Variants in ZNF551 observed in about 807,000 individuals in gnomAD.
The protein encoded by ZNF551 is zinc finger protein 551, also known as KOX 23 protein (56 AA).
Under a neutral mutation model 7.9 loss-of-function variants are expected in ZNF551, and 5 were observed. The observed-to-expected ratio is 0.63, with a 90% CI of 0.33 to 1.33. The LOEUF is 1.33. Among genes scored for constraint, ZNF551 ranks in the 40% most tolerant of loss-of-function variants. The pLI, the probability that ZNF551 is intolerant of heterozygous loss-of-function variation, is 0.05. For missense variants in ZNF551, 788 were observed against 825.2 expected (o/e 0.95, Z 0.55); for synonymous variants, 287 against 277.3 (o/e 1.03, Z -0.35).
At chr19:57,686,112 A>T (rs992425138) in intron 2 of ZNF551, among the ~76,000 whole-genome samples, 2 of 152,178 alleles carry the variant, frequency 1.3e-5, no homozygotes, top group Non-Finnish European at 2.9e-5. Context: ...CACAGCCTCA[A>T]ATAGTCCTCC....
chr19:57,686,952 G>T lies in ZNF551; in HGVS notation c.677G>T (p.Gly226Val). ...FFNAKSYYKW[G>V]EYRKASSHKH... is the part of the protein sequence containing the mutation. ...AATGCAAAAAGTTATTACAAGTGGG[G>T]TGAATACAGAAAAGCTTCAAGCCAC... Residue 226 changes from glycine to valine, a missense_variant, in exon 3 of 3, where the codon GGT becomes GTT. Coordinates refer to ENST00000282296, the MANE Select transcript of ZNF551 (RefSeq NM_138347.5). 1 of 1,614,204 alleles carries T rather than the reference G, an allele frequency of 6.2e-7. No homozygotes were observed. Among genetic ancestry groups the T allele is most frequent in the East Asian group, 2.2e-5 (1 of 44,894 alleles).
Position 57,682,162 on chromosome 19 carries a change from G to A in ZNF551, c.-2G>A. The A allele has an allele frequency of 6.5e-7, 1 of 1,548,226 alleles. No individual in the cohort carries two copies. The highest frequency in any genetic ancestry group is 8.7e-7 in the Non-Finnish European group (1 of 1,146,760). ...GCCCGGGATAGGGACTGTTGTGTTC[G>A]AATGCCCGCCCCGGTCGGCCGCCGC... On this transcript the variant is annotated 5_prime_UTR_variant, in exon 1 of 3. Coordinates refer to ENST00000282296, the MANE Select transcript of ZNF551 (RefSeq NM_138347.5).
At chr19:57,683,270 A>G (rs1984448393) in intron 1 of ZNF551, among the ~76,000 whole-genome samples, 1 of 152,224 alleles carries the variant, frequency 6.6e-6, no homozygotes, top group South Asian at 2.1e-4. Flanking sequence ...AGATGCGAGA[A>G]GCAGTTGGAT....
chr19:57,689,952 C>T lies in ZNF551; in HGVS notation c.*1664C>T, dbSNP rs1984711532. 1 of 152,070 alleles carries T rather than the reference C, an allele frequency of 6.6e-6. No homozygotes were observed. Among genetic ancestry groups the T allele is most frequent in the South Asian group, 2.1e-4 (1 of 4,822 alleles). 9.4% of individuals were successfully genotyped at this position (152,070 alleles called of 1,614,324 possible). On this transcript the variant is annotated 3_prime_UTR_variant, in exon 3 of 3. Transcript: ENST00000282296. ...CAGGGATGTGGCTTTTGTGACTCAGCCAACATTCCTATTAATTCAGGTGGC... is the reference window on the plus strand; with the variant it reads ...CAGGGATGTGGCTTTTGTGACTCAGTCAACATTCCTATTAATTCAGGTGGC...
At position 57,687,112 on chromosome 19, in the gene ZNF551, T is replaced by G; in HGVS notation, c.837T>G (p.Phe279Leu). The G allele has an allele frequency of 6.2e-7, 1 of 1,614,256 alleles. No homozygotes were observed. The highest frequency in any genetic ancestry group is 1.7e-5 in the Admixed American group (1 of 60,032). The change falls in exon 3 of 3, where the codon TTT becomes TTG. Residue 279 changes from phenylalanine to leucine, a missense_variant. Physicochemically the swap from Phe to Leu is conservative, Grantham distance 22 (BLOSUM62 0). Coordinates refer to ENST00000282296, the MANE Select transcript of ZNF551 (RefSeq NM_138347.5). ...AAATTCACACTGGACAAAAGATGTT[T>G]GAGTGTAGTGAATGTGAGGAATCCT... is the stretch of plus-strand genomic sequence containing the variant. ...HQQIHTGQKM[F>L]ECSECEESFS...
rs1208307777 is a variant in ZNF551, at chr19:57,690,096, A to G, written c.*1808A>G. On this transcript the variant is annotated 3_prime_UTR_variant, in exon 3 of 3. Transcript: ENST00000282296. ...CAGGTTGCCACCCTGATTAAAAAAA[A>G]AGGAACATCTAGGCTCTTAATTTTG... 6.6e-6 allele frequency: 1 copy of G among 152,166 alleles called. No individual in the cohort carries two copies. Among genetic ancestry groups the G allele is most frequent in the East Asian group, 1.9e-4 (1 of 5,180 alleles). 9.4% of individuals were successfully genotyped at this position (152,166 alleles called of 1,614,324 possible).
intron 1 of ZNF551, among the ~76,000 whole-genome samples, 169 bp from the exon 2 acceptor site, chr19:57,685,093 C>T (rs986230484): frequency 6.6e-5 from 10 of 152,228 alleles, no homozygotes; most frequent in Non-Finnish European, 1.2e-4. Flanking sequence ...TGTTGCTATT[C>T]GAGGACTCAG....
Position 57,686,785 on chromosome 19 carries a change from G to A in ZNF551, c.510G>A (p.Val170=). The A allele has an allele frequency of 6.2e-7, 1 of 1,614,192 alleles. No homozygotes were observed. Among genetic ancestry groups the A allele is most frequent in the Non-Finnish European group, 8.5e-7 (1 of 1,180,036 alleles). ...GGAAGGTGGATGAGGCTACATTTGT[G>A]ACCGGCTGCAGATTCCATGTGTTGA... ...WKRKVDEATF[V]TGCRFHVLNY... Residue 170 remains valine, a synonymous_variant, in exon 3 of 3, where the codon GTG becomes GTA. Coordinates refer to ENST00000282296, the MANE Select transcript of ZNF551 (RefSeq NM_138347.5).
chr19:57,682,369 G>T (rs1984414150), intron 1 of ZNF551, 125 bp downstream of exon 1: 1 of 1,029,810 alleles, frequency 9.7e-7, no homozygotes, highest in African/African-American at 1.6e-5. Flanking sequence ...GGCGCTTGTG[G>T]ATTGGACCCG....
rs1439514107 is a variant in ZNF551 at position 57,685,403 on chromosome 19, C to T, written c.205+18C>T. Reference sequence around the variant, plus strand: ...ATCCCTGGGTAAGGCCCTAGCATCCCTCCGAGTGTCTGCTTTTCTTTTTGA... The same window carrying T: ...ATCCCTGGGTAAGGCCCTAGCATCCTTCCGAGTGTCTGCTTTTCTTTTTGA... On this transcript the variant is annotated intron_variant, in intron 2 of 2. Coordinates refer to ENST00000282296, the MANE Select transcript of ZNF551 (RefSeq NM_138347.5). The T allele has an allele frequency of 1.2e-6, 2 of 1,613,950 alleles. No individual in the cohort carries two copies. Among genetic ancestry groups the T allele is most frequent in the Non-Finnish European group, 1.7e-6 (2 of 1,179,922 alleles).
In ZNF551 at chr19:57,686,813, T is replaced by C. The variant is rs768926384; in HGVS notation, c.538T>C (p.Tyr180His). 5.6e-6 allele frequency: 9 copies of C among 1,614,214 alleles called. No homozygotes were observed. The Admixed American group carries it at 6.7e-5, about 12-fold the overall frequency. ...VTGCRFHVLN[Y>H]FTCGEAFPAP... is the part of the protein sequence containing the mutation. ...CGGCTGCAGATTCCATGTGTTGAAT[T>C]ATTTCACCTGTGGGGAGGCCTTCCC... is the stretch of plus-strand genomic sequence containing the variant. Residue 180 changes from tyrosine to histidine, a missense_variant, in exon 3 of 3, where the codon TAT (tyrosine) becomes CAT (histidine). Tyr to His is a moderately conservative substitution (Grantham distance 83). Transcript: ENST00000282296.
intron 1 of ZNF551, among the ~76,000 whole-genome samples, chr19:57,684,071 G>A (rs944043301): frequency 6.6e-6 from 1 of 152,148 alleles, no homozygotes; most frequent in African/African-American, 2.4e-5. Flanking sequence ...AGCAATCACA[G>A]CCCAGAAGTG....
intron 2 of ZNF551, among the ~76,000 whole-genome samples, chr19:57,685,910 A>G (rs1363284218): frequency 6.6e-6 from 1 of 152,208 alleles, no homozygotes; most frequent in Admixed American, 6.5e-5. Flanking sequence ...TTTTGGTGCA[A>G]GTGCCACTGG....
Position 57,686,610 on chromosome 19 carries a change from T to A in ZNF551, c.335T>A (p.Val112Asp), listed in dbSNP as rs1193703589. ...HLSEIKMCVP[V>D]LKDILPAAEH... is the part of the protein sequence containing the mutation. The stretch of plus-strand genomic sequence containing the variant: ...AGTGAGATTAAGATGTGTGTCCCAG[T>A]CTTGAAAGACATTTTGCCTGCGGCT... Residue 112 changes from valine to aspartate, a missense_variant, in exon 3 of 3, where the codon GTC (valine) becomes GAC (aspartate). Transcript: ENST00000282296. The A allele has an allele frequency of 6.2e-7, 1 of 1,614,072 alleles. No homozygotes were observed. The highest frequency in any genetic ancestry group is 8.5e-7 in the Non-Finnish European group (1 of 1,179,996).
At chr19:57,683,895 A>G (rs1027131976) in intron 1 of ZNF551, among the ~76,000 whole-genome samples, 7 of 152,090 alleles carry the variant, frequency 4.6e-5, no homozygotes, top group African/African-American at 1.7e-4. Context: ...AGGGTTTTAT[A>G]TTAACTCTTG....
In ZNF551 at chr19:57,688,840, T is replaced by C. The variant is rs1165303243; in HGVS notation, c.*552T>C. On this transcript the variant is annotated 3_prime_UTR_variant, in exon 3 of 3. Transcript: ENST00000282296. ...TGCACATTGCTTTAATTTATAATGT[T>C]TTTATAAAGGTTTTAAAAAAATTTA... 6.5e-6 allele frequency: 1 copy of C among 154,296 alleles called. No individual in the cohort carries two copies. Among genetic ancestry groups the C allele is most frequent in the African/African-American group, 2.4e-5 (1 of 41,452 alleles). The allele number at this position is 154,296 out of a possible 1,614,324, so 9.6% of individuals were successfully genotyped here.
intron 1 of ZNF551, 48 bp downstream of exon 1, chr19:57,682,292 C>G (rs1984410473): frequency 2.6e-6 from 4 of 1,535,110 alleles, no homozygotes; most frequent in Non-Finnish European, 3.5e-6. Context: ...CAGCAGAAGC[C>G]TTAAGGCCCA....
rs766106464 is a variant in ZNF551 at position 57,686,835 on chromosome 19, T to G, written c.560T>G (p.Phe187Cys). The G allele has an allele frequency of 2.5e-5, 40 of 1,614,126 alleles. No individual in the cohort carries two copies. In the South Asian group the frequency reaches 4.3e-4, roughly 17 times the overall value. ...AATTATTTCACCTGTGGGGAGGCCT[T>G]CCCAGCCCCCACGGACCTACTCCAA... ...VLNYFTCGEA[F>C]PAPTDLLQHE... The change falls in exon 3 of 3, where the codon TTC becomes TGC. Residue 187 changes from phenylalanine to cysteine, a missense_variant. By Grantham distance (205) the Phe-to-Cys change is radical (BLOSUM62 -2). Transcript: ENST00000282296.
chr19:57,687,181 T>C lies in ZNF551; in HGVS notation c.906T>C (p.Thr302=). Residue 302 remains threonine, a synonymous_variant, in exon 3 of 3, where the codon ACT becomes ACC. Coordinates refer to ENST00000282296, the MANE Select transcript of ZNF551 (RefSeq NM_138347.5). ...CHLILHKIIH[T]GERPYECSDR... ...TAATCTTACACAAGATAATTCACACTGGAGAAAGGCCTTATGAATGCAGTG... is the reference window on the plus strand; with the variant it reads ...TAATCTTACACAAGATAATTCACACCGGAGAAAGGCCTTATGAATGCAGTG... 6.2e-7 allele frequency: 1 copy of C among 1,614,250 alleles called. No homozygotes were observed. The highest frequency in any genetic ancestry group is 1.1e-5 in the South Asian group (1 of 91,090).
Sources: allele counts gnomAD v4.1 joint callset (sites outside exome capture counted in the v4.1 genomes callset), GRCh38; gene constraint gnomAD v4.1.1; transcripts MANE v1.5; gene names NCBI Gene and HGNC (gene_info 2026-07-23, HGNC 2026-07-21).